CDH18: variants seen among roughly 807,000 people sequenced by gnomAD.
CDH18 encodes cadherin-18.
In CDH18, 31 loss-of-function variants were observed where a neutral mutation model predicts 67.9. The ratio of observed to expected loss-of-function variants is 0.46; its 90% CI spans 0.34 to 0.62. The LOEUF is 0.62. Ranked by LOEUF, CDH18 falls within the 20% of genes least tolerant of loss-of-function variation. The pLI is 0.01. For synonymous variants in CDH18, 362 were observed against 347.2 expected (o/e 1.04, Z -0.48); for missense variants, 890 against 975.5 (o/e 0.91, Z 1.17).
At chr5:20,278,418 C>T (rs1348069467) in intron 1 of CDH18, among the ~76,000 whole-genome samples, 1 of 151,856 alleles carries the variant, frequency 6.6e-6, no homozygotes, top group Non-Finnish European at 1.5e-5. Flanking sequence ...CAAAAATATC[C>T]TTCAAACATA....
At chr5:20,365,747 C>T (rs543145229) in intron 1 of CDH18, among the ~76,000 whole-genome samples, 2 of 152,168 alleles carry the variant, frequency 1.3e-5, no homozygotes, top group Admixed American at 1.3e-4. Context: ...TCTTTGTATC[C>T]TTTATAGATA....
chr5:19,567,631 A>G (rs1033606308), intron 8 of CDH18, among the ~76,000 whole-genome samples: 3 of 152,168 alleles, frequency 2.0e-5, no homozygotes, highest in Non-Finnish European at 4.4e-5. Context: ...TGAATGACAC[A>G]TTTTTATTAA....
chr5:20,018,823 T>C (rs1738128835), intron 2 of CDH18, among the ~76,000 whole-genome samples: 1 of 150,596 alleles, frequency 6.6e-6, no homozygotes. Context: ...GAGACGGAGT[T>C]TCGCTCTGTC....
chr5:20,139,435 G>T (rs182720918), intron 2 of CDH18, among the ~76,000 whole-genome samples: 2 of 152,232 alleles, frequency 1.3e-5, no homozygotes, highest in East Asian at 3.9e-4. Context: ...AACACCAAAA[G>T]CAATGGCAAC....
chr5:20,402,938 GT>G (rs945325778), intron 1 of CDH18, among the ~76,000 whole-genome samples: 13 of 150,886 alleles, frequency 8.6e-5, no homozygotes, highest in Non-Finnish European at 1.8e-4. Flanking sequence ...TAAAAAGAAT[GT>G]TCACAGACCA....
chr5:19,744,503 TACACAC>T (rs34059092), intron 4 of CDH18, among the ~76,000 whole-genome samples: 119 of 146,364 alleles, frequency 8.1e-4, no homozygotes, highest in African/African-American at 1.7e-3. Flanking sequence ...TAACTCAGTG[TACACAC>T]ACACACACAC....
chr5:19,526,114 A>T (rs1435655605), intron 9 of CDH18, among the ~76,000 whole-genome samples: 1 of 152,142 alleles, frequency 6.6e-6, no homozygotes, highest in Non-Finnish European at 1.5e-5. Context: ...GTAAGCCTAT[A>T]ATAAGAGTTA....
At chr5:20,550,481 C>A (rs1757571988) in intron 1 of CDH18, among the ~76,000 whole-genome samples, 1 of 152,118 alleles carries the variant, frequency 6.6e-6, no homozygotes, top group Non-Finnish European at 1.5e-5. Context: ...AACTTTTCTT[C>A]TCTAAATCTG....
intron 2 of CDH18, among the ~76,000 whole-genome samples, chr5:19,979,484 T>G (rs1267141179): frequency 1.3e-5 from 2 of 152,058 alleles, no homozygotes; most frequent in Admixed American, 1.3e-4. Context: ...TAAAAACATA[T>G]GGTCTTTTAA....
chr5:20,522,196 C>T (rs1755783255), intron 1 of CDH18, among the ~76,000 whole-genome samples: 1 of 141,730 alleles, frequency 7.1e-6, no homozygotes, highest in African/African-American at 2.5e-5. Context: ...TCAGAAGTAA[C>T]CAAACCTGCT....
At chr5:20,398,061 C>A (rs1745427911) in intron 1 of CDH18, among the ~76,000 whole-genome samples, 1 of 152,110 alleles carries the variant, frequency 6.6e-6, no homozygotes, top group Admixed American at 6.6e-5. Flanking sequence ...TTATAGGCTA[C>A]CACACCATAC....
chr5:19,579,467 T>C (rs1397150179), intron 7 of CDH18, among the ~76,000 whole-genome samples: 1 of 151,870 alleles, frequency 6.6e-6, no homozygotes, highest in Non-Finnish European at 1.5e-5. Flanking sequence ...TGTTTATTTT[T>C]TTTCTAGTGA....
intron 1 of CDH18, among the ~76,000 whole-genome samples, chr5:20,456,111 C>G (rs1039987603): frequency 6.6e-6 from 1 of 152,070 alleles, no homozygotes; most frequent in Non-Finnish European, 1.5e-5. Context: ...ACATTCTTCT[C>G]TACCAAAACC....
At chr5:19,483,616 C>T in intron 11 of CDH18, 64 bp from the exon 12 acceptor site, 1 of 1,489,820 alleles carries the variant, frequency 6.7e-7, no homozygotes, top group Non-Finnish European at 9.1e-7. Flanking sequence ...TTCACATTTC[C>T]TTTAATGGAT....
At chr5:20,423,671 C>A (rs1016410304) in intron 1 of CDH18, among the ~76,000 whole-genome samples, 1 of 150,742 alleles carries the variant, frequency 6.6e-6, no homozygotes, top group Non-Finnish European at 1.5e-5. Flanking sequence ...AGAGGCCGGG[C>A]GCGGTGGCTC....
intron 12 of CDH18, among the ~76,000 whole-genome samples, chr5:19,480,388 T>TTTAG (rs1739211383): frequency 6.7e-6 from 1 of 149,822 alleles, no homozygotes; most frequent in African/African-American, 2.5e-5. Context: ...TATTTATTTA[T>TTTAG]TTATTTGAGA....
chr5:19,857,064 A>C lies in CDH18; in HGVS notation c.-256-17822T>G, dbSNP rs371070686. On this transcript the variant is annotated intron_variant, in intron 2 of 12. Transcript: ENST00000382275. Reference sequence around the variant, plus strand: ...ATAGTGAGATCCCATCTCCACAAAAACTTGAAAAGAAAATTAGTGAGGTGT... The same window carrying C: ...ATAGTGAGATCCCATCTCCACAAAACCTTGAAAAGAAAATTAGTGAGGTGT... Among the ~76,000 whole-genome samples, 14 of 152,082 alleles carry C rather than the reference A, an allele frequency of 9.2e-5. No individual in the cohort carries two copies. The East Asian group carries it at 1.9e-3, about 21-fold the overall frequency.
intron 5 of CDH18, among the ~76,000 whole-genome samples, chr5:19,624,069 G>C (rs145523445): frequency 6.6e-6 from 1 of 150,610 alleles, no homozygotes. Context: ...GTGCAGTGGC[G>C]CCATCTTGGC....
intron 1 of CDH18, among the ~76,000 whole-genome samples, chr5:20,288,298 C>A (rs900676506): frequency 6.6e-6 from 1 of 151,592 alleles, no homozygotes; most frequent in South Asian, 2.1e-4. Flanking sequence ...AGTGAATGTA[C>A]AAGATAAAAA....
Sources: gnomAD v4.1 joint callset for allele counts (sites outside exome capture counted in the v4.1 genomes callset) on GRCh38, gnomAD v4.1.1 for gene constraint, MANE v1.5 for transcripts, NCBI Gene and HGNC (gene_info 2026-07-23, HGNC 2026-07-21) for gene names.